Variants in GNAQ observed in about 807,000 individuals in gnomAD.
The protein encoded by GNAQ is G protein subunit alpha q.
A neutral mutation model predicts 43.9 loss-of-function variants in GNAQ; 8 were observed. The observed-to-expected ratio is 0.18, with a 90% CI of 0.11 to 0.33. The LOEUF (loss-of-function observed/expected upper bound fraction) is 0.33, where lower values mean the gene tolerates loss of function less well. GNAQ is among the 10% of genes least tolerant of loss of function. GNAQ has a pLI of 1.00. For synonymous variants in GNAQ, 155 were observed against 170.7 expected (o/e 0.91, Z 0.71); for missense variants, 158 against 450.8 (o/e 0.35, Z 5.88).
intron 1 of GNAQ, among the ~76,000 whole-genome samples, chr9:77,935,007 C>T (rs192890161): frequency 1.3e-5 from 2 of 152,092 alleles, no homozygotes; most frequent in African/African-American, 4.8e-5. Context: ...GGCCTGTAGT[C>T]CTAGCTACTC....
chr9:77,836,231 C>G (rs1422887595), intron 2 of GNAQ, among the ~76,000 whole-genome samples: 2 of 96,766 alleles, frequency 2.1e-5, no homozygotes, highest in South Asian at 3.6e-4. Flanking sequence ...TGATTAAAAG[C>G]CCCCCCCGGA....
chr9:77,871,111 A>G (rs1464725737), intron 2 of GNAQ, among the ~76,000 whole-genome samples: 3 of 152,228 alleles, frequency 2.0e-5, no homozygotes, highest in Admixed American at 1.3e-4. Flanking sequence ...TGCAAATTAT[A>G]TTTCAAATAA....
chr9:77,894,312 A>AATATATATTTAATAGAATATATATT (rs1828452425), intron 2 of GNAQ, among the ~76,000 whole-genome samples: 1 of 1,798 alleles, frequency 5.6e-4, no homozygotes, highest in Non-Finnish European at 1.1e-3. Context: ...GAATATATAT[A>AATATATATTTAATAGAATATATATT]ATATATATTT....
chr9:77,795,812 A>AAT (rs1826649219), intron 4 of GNAQ, among the ~76,000 whole-genome samples: 1 of 152,224 alleles, frequency 6.6e-6, no homozygotes, highest in South Asian at 2.1e-4. Flanking sequence ...TGGGCCGTAA[A>AAT]AGATGCTTCT....
chr9:77,758,164 G>A (rs901393421), intron 5 of GNAQ, among the ~76,000 whole-genome samples: 44 of 152,188 alleles, frequency 2.9e-4, no homozygotes, highest in African/African-American at 9.7e-4. Flanking sequence ...TGTGTGCTGC[G>A]CCACGCAAAG....
At chr9:77,850,805 T>C (rs987154074) in intron 2 of GNAQ, among the ~76,000 whole-genome samples, 2 of 152,104 alleles carry the variant, frequency 1.3e-5, no homozygotes, top group African/African-American at 4.8e-5. Context: ...CATGACCGAC[T>C]CAAATGCCTC....
chr9:77,880,908 G>A (rs1332781212), intron 2 of GNAQ, among the ~76,000 whole-genome samples: 4 of 152,178 alleles, frequency 2.6e-5, no homozygotes, highest in Non-Finnish European at 4.4e-5. Flanking sequence ...CACGAGCGAA[G>A]TAGGAACTGG....
At chr9:77,811,603 G>A (rs1826926645) in intron 3 of GNAQ, among the ~76,000 whole-genome samples, 1 of 152,142 alleles carries the variant, frequency 6.6e-6, no homozygotes, top group Admixed American at 6.6e-5. Context: ...TGATTACACT[G>A]GAGAAACATG....
chr9:77,973,924 A>AT (rs1823269422), intron 1 of GNAQ, among the ~76,000 whole-genome samples: 1 of 152,194 alleles, frequency 6.6e-6, no homozygotes, highest in African/African-American at 2.4e-5. Flanking sequence ...CTGGGTTATT[A>AT]TATAATAAGG....
chr9:77,893,148 T>C (rs1828430854), intron 2 of GNAQ, among the ~76,000 whole-genome samples: 2 of 152,188 alleles, frequency 1.3e-5, no homozygotes, highest in South Asian at 4.1e-4. Flanking sequence ...ACTACTGGGC[T>C]GCATTCCCAG....
chr9:77,885,989 T>C (rs982530838), intron 2 of GNAQ, among the ~76,000 whole-genome samples: 3 of 63,924 alleles, frequency 4.7e-5, no homozygotes, highest in African/African-American at 2.2e-4. Flanking sequence ...CAGGACCTTT[T>C]TTTTGAGACA....
At chr9:77,721,535 G>A (rs1825313178) in intron 6 of GNAQ, 22 bp from the exon 7 acceptor site, 1 of 1,483,840 alleles carries the variant, frequency 6.7e-7, no homozygotes. Flanking sequence ...GAGACAAGAG[G>A]GACACTTTGT....
At chr9:77,917,535 A>T (rs1435007370) in intron 2 of GNAQ, among the ~76,000 whole-genome samples, 4 of 141,576 alleles carry the variant, frequency 2.8e-5, no homozygotes, top group East Asian at 3.9e-4. Flanking sequence ...TAATAAACTT[A>T]AAAAAAAAAG....
chr9:77,744,809 T>A (rs895886464), intron 5 of GNAQ, among the ~76,000 whole-genome samples: 10 of 152,126 alleles, frequency 6.6e-5, no homozygotes, highest in Non-Finnish European at 1.3e-4. Context: ...CCAGGGCAAC[T>A]TGGATTTAAA....
chr9:77,990,133 T>C (rs1823490598), intron 1 of GNAQ, among the ~76,000 whole-genome samples: 1 of 152,240 alleles, frequency 6.6e-6, no homozygotes, highest in Non-Finnish European at 1.5e-5. Context: ...AAAGATTTAT[T>C]GCAACCTCTG....
intron 2 of GNAQ, among the ~76,000 whole-genome samples, chr9:77,888,347 T>A (rs973485104): frequency 6.6e-6 from 1 of 152,202 alleles, no homozygotes; most frequent in Non-Finnish European, 1.5e-5. Context: ...TACACAGATT[T>A]CAGAATACTA....
intron 1 of GNAQ, 108 bp downstream of exon 1, chr9:78,030,992 C>A (rs1824050259): frequency 3.7e-6 from 3 of 805,298 alleles, no homozygotes; most frequent in Non-Finnish European, 5.0e-6. Context: ...AGGGTAGGGG[C>A]GAACCGCGGG....
At position 77,718,561 on chromosome 9, in the gene GNAQ, C is replaced by A; in HGVS notation, c.*2762G>T. Reference sequence around the variant, plus strand: ...CATAAAGACAAATATAACAATCTTTCCCTGTTTTGCTCAGCTTCTTCAAGC... The same window carrying A: ...CATAAAGACAAATATAACAATCTTTACCTGTTTTGCTCAGCTTCTTCAAGC... On this transcript the variant is annotated 3_prime_UTR_variant, in exon 7 of 7. Coordinates refer to ENST00000286548, the MANE Select transcript of GNAQ (RefSeq NM_002072.5). 1 of 232,450 alleles carries A rather than the reference C, an allele frequency of 4.3e-6. No individual in the cohort carries two copies. The highest frequency in any genetic ancestry group is 8.5e-6 in the Non-Finnish European group (1 of 117,754). 14.4% of individuals were successfully genotyped at this position (232,450 alleles called of 1,614,324 possible).
intron 1 of GNAQ, among the ~76,000 whole-genome samples, chr9:77,931,380 C>T (rs992306202): frequency 2.0e-5 from 3 of 151,970 alleles, no homozygotes; most frequent in African/African-American, 7.2e-5. Flanking sequence ...ATCACGAGGT[C>T]AGGAGATCGA....
Sources: allele counts gnomAD v4.1 joint callset (sites outside exome capture counted in the v4.1 genomes callset), GRCh38; gene constraint gnomAD v4.1.1; transcripts MANE v1.5; gene names NCBI Gene and HGNC (gene_info 2026-07-23, HGNC 2026-07-21).